FAR2: variants seen among roughly 807,000 people sequenced by gnomAD.
FAR2 encodes the protein epididymis secretory protein Li 81.
FAR2 carries 19 observed loss-of-function variants against 56.0 expected under a neutral mutation model. The observed-to-expected ratio is 0.34, with a 90% CI of 0.24 to 0.50. The LOEUF is 0.50. FAR2 is among the 20% of genes least tolerant of loss of function. The pLI is 0.98. For missense variants in FAR2, 508 were observed against 642.2 expected (o/e 0.79, Z 2.26); for synonymous variants, 219 against 218.8 (o/e 1.00, Z -0.01).
chr12:29,176,581 G>T lies in FAR2; in HGVS notation c.-39+27174G>T, dbSNP rs1179646386. Among the ~76,000 whole-genome samples, 3 of 152,186 alleles carry T rather than the reference G, an allele frequency of 2.0e-5. No homozygotes were observed. The East Asian group carries it at 5.8e-4, about 29-fold the overall frequency. ...TAGAAAAAAGGAAATAAGAATGATA[G>T]CTAAAACTGTCATGCTTATATTAAC... On this transcript the variant is annotated intron_variant, in intron 1 of 11. Transcript: ENST00000536681.
At chr12:29,263,420 A>T (rs145907662) in intron 1 of FAR2, among the ~76,000 whole-genome samples, 35 of 152,268 alleles carry the variant, frequency 2.3e-4, no homozygotes, top group Admixed American at 1.6e-3. Context: ...GTCTTAAAAC[A>T]TTTTAAAAAA....
intron 1 of FAR2, among the ~76,000 whole-genome samples, chr12:29,217,621 C>T (rs1368733059): frequency 1.3e-5 from 2 of 152,182 alleles, no homozygotes; most frequent in Non-Finnish European, 2.9e-5. Flanking sequence ...AATTTAAATT[C>T]AGCTTCAACC....
At chr12:29,288,056 C>T (rs1285340420) in intron 2 of FAR2, among the ~76,000 whole-genome samples, 1 of 152,032 alleles carries the variant, frequency 6.6e-6, no homozygotes, top group Non-Finnish European at 1.5e-5. Context: ...TCTCTGTTGC[C>T]TCTGGGCTAC....
At chr12:29,255,780 A>G (rs1341665871) in intron 1 of FAR2, among the ~76,000 whole-genome samples, 1 of 152,158 alleles carries the variant, frequency 6.6e-6, no homozygotes, top group African/African-American at 2.4e-5. Flanking sequence ...ATGCACCACC[A>G]TGTCTGGCTA....
At chr12:29,315,531 A>G (rs1405138351) in intron 8 of FAR2, among the ~76,000 whole-genome samples, 2 of 152,202 alleles carry the variant, frequency 1.3e-5, no homozygotes, top group African/African-American at 4.8e-5. Context: ...AGACTGTAGG[A>G]GTACAAGGGT....
intron 1 of FAR2, among the ~76,000 whole-genome samples, chr12:29,228,886 C>T (rs1947811340): frequency 6.6e-6 from 1 of 152,094 alleles, no homozygotes; most frequent in South Asian, 2.1e-4. Context: ...CCGTGCCCAG[C>T]CAAAAATGTC....
chr12:29,284,031 T>C (rs1016467442), intron 2 of FAR2, among the ~76,000 whole-genome samples: 2 of 152,226 alleles, frequency 1.3e-5, no homozygotes, highest in African/African-American at 4.8e-5. Flanking sequence ...ATGTTTCTTT[T>C]TACAACAACC....
chr12:29,218,031 G>A (rs1405390244), intron 1 of FAR2, among the ~76,000 whole-genome samples: 1 of 150,586 alleles, frequency 6.6e-6, no homozygotes, highest in East Asian at 1.9e-4. Context: ...AAATGATACT[G>A]TAGAACTGAA....
chr12:29,282,635 GT>G (rs575148339), intron 2 of FAR2, among the ~76,000 whole-genome samples: 202 of 152,192 alleles, frequency 1.3e-3, no homozygotes, highest in African/African-American at 4.6e-3. Context: ...AACCAAAAAT[GT>G]TACCAGTTGG....
intron 1 of FAR2, among the ~76,000 whole-genome samples, chr12:29,172,796 G>A (rs888953137): frequency 5.9e-5 from 9 of 152,234 alleles, no homozygotes; most frequent in South Asian, 4.1e-4. Flanking sequence ...CCTGAGTTAC[G>A]GTGGACATCA....
At chr12:29,303,421 G>T (rs901338482) in intron 4 of FAR2, among the ~76,000 whole-genome samples, 4 of 152,084 alleles carry the variant, frequency 2.6e-5, no homozygotes, top group Admixed American at 2.0e-4. Flanking sequence ...TTGTCTTTCA[G>T]TTCTTAGAAG....
At chr12:29,190,984 G>T (rs1950098556) in intron 1 of FAR2, among the ~76,000 whole-genome samples, 1 of 152,146 alleles carries the variant, frequency 6.6e-6, no homozygotes, top group Non-Finnish European at 1.5e-5. Flanking sequence ...CTGTTTTCAT[G>T]AGGCTCCAAT....
At chr12:29,234,334 A>T (rs1028086820) in intron 1 of FAR2, among the ~76,000 whole-genome samples, 1 of 152,116 alleles carries the variant, frequency 6.6e-6, no homozygotes, top group South Asian at 2.1e-4. Flanking sequence ...AGTCAATATC[A>T]TCAGCACCTG....
intron 1 of FAR2, among the ~76,000 whole-genome samples, chr12:29,206,162 C>T (rs1436691484): frequency 6.6e-6 from 1 of 152,214 alleles, no homozygotes; most frequent in African/African-American, 2.4e-5. Flanking sequence ...ATCCAGCAGT[C>T]CTCACCCTTG....
chr12:29,307,902 C>A, intron 5 of FAR2, 67 bp downstream of exon 5: 2 of 1,477,964 alleles, frequency 1.4e-6, no homozygotes, highest in South Asian at 1.3e-5. Flanking sequence ...CAATTACTTT[C>A]TGATGTCTTT....
At chr12:29,223,481 G>T (rs1007227673) in intron 1 of FAR2, among the ~76,000 whole-genome samples, 2 of 152,136 alleles carry the variant, frequency 1.3e-5, no homozygotes, top group African/African-American at 4.8e-5. Flanking sequence ...TTGGGTAAAT[G>T]GCTGATCGAA....
intron 1 of FAR2, among the ~76,000 whole-genome samples, chr12:29,253,330 T>C (rs868213921): frequency 1.4e-4 from 20 of 143,188 alleles, no homozygotes; most frequent in African/African-American, 5.2e-4. Flanking sequence ...TCTATCTAGA[T>C]AGATATCTAT....
At chr12:29,157,106 TTATATA>T (rs5797307) in intron 1 of FAR2, 3,870 of 73,436 alleles carry the variant, frequency 0.053, 86 homozygotes, top group Non-Finnish European at 0.061. Context: ...AAAGAACATT[TTATATA>T]TATATATATA....
At chr12:29,161,208 A>G (rs1390846604) in intron 1 of FAR2, among the ~76,000 whole-genome samples, 1 of 152,178 alleles carries the variant, frequency 6.6e-6, no homozygotes, top group Non-Finnish European at 1.5e-5. Flanking sequence ...CCCAGATTCT[A>G]TCTTCCAAGT....
Sources: gnomAD v4.1 joint callset for allele counts (sites outside exome capture counted in the v4.1 genomes callset) on GRCh38, gnomAD v4.1.1 for gene constraint, MANE v1.5 for transcripts, NCBI Gene and HGNC (gene_info 2026-07-23, HGNC 2026-07-21) for gene names.